TBC1D32: variants seen among roughly 807,000 people sequenced by gnomAD.
The protein encoded by TBC1D32 is TBC1 domain family member 32.
Under a neutral mutation model 170.3 loss-of-function variants are expected in TBC1D32, and 151 were observed. That is an observed-to-expected ratio of 0.89 (90% CI 0.78 to 1.01). The LOEUF is 1.01. Ranked by LOEUF, TBC1D32 falls within the 50% of genes least tolerant of loss-of-function variation. The pLI, the probability that TBC1D32 is intolerant of heterozygous loss-of-function variation, is 0.00. For synonymous variants in TBC1D32, 498 were observed against 488.0 expected (o/e 1.02, Z -0.27); for missense variants, 1,464 against 1,457.1 (o/e 1.00, Z -0.08).
At chr6:121,283,086 T>C (rs1803266459) in intron 13 of TBC1D32, among the ~76,000 whole-genome samples, 1 of 151,858 alleles carries the variant, frequency 6.6e-6, no homozygotes, top group African/African-American at 2.4e-5. Context: ...TACTGAATAA[T>C]AACCTACCAG....
At chr6:121,304,917 C>T (rs1462149282) in intron 5 of TBC1D32, 84 bp from the exon 6 acceptor site, 4 of 911,822 alleles carry the variant, frequency 4.4e-6, no homozygotes, top group Non-Finnish European at 5.1e-6. Context: ...AGTAAAAACT[C>T]AGAAAATAAA....
At chr6:121,184,327 G>A (rs969637820) in intron 22 of TBC1D32, among the ~76,000 whole-genome samples, 4 of 151,900 alleles carry the variant, frequency 2.6e-5, no homozygotes, top group Non-Finnish European at 5.9e-5. Flanking sequence ...AAGAATTCCA[G>A]AGGGTAAGTA....
At chr6:121,091,370 A>T (rs912846622) in intron 30 of TBC1D32, among the ~76,000 whole-genome samples, 2 of 152,128 alleles carry the variant, frequency 1.3e-5, no homozygotes, top group African/African-American at 2.4e-5. Context: ...AACAAATGCT[A>T]AGAGACTATT....
chr6:121,215,657 G>GT (rs1369586372), intron 21 of TBC1D32, among the ~76,000 whole-genome samples: 1 of 42,866 alleles, frequency 2.3e-5, no homozygotes, highest in African/African-American at 6.7e-5. Flanking sequence ...AAAGAAATTT[G>GT]CAAAAAAAAA....
chr6:121,287,478 T>A (rs1305952577), intron 12 of TBC1D32, among the ~76,000 whole-genome samples: 3 of 152,114 alleles, frequency 2.0e-5, no homozygotes, highest in Non-Finnish European at 4.4e-5. Flanking sequence ...ATGCACCCAA[T>A]ACAGGAGCAC....
intron 26 of TBC1D32, among the ~76,000 whole-genome samples, chr6:121,116,974 G>T (rs775934485): frequency 1.6e-4 from 24 of 152,026 alleles, no homozygotes; most frequent in Non-Finnish European, 2.9e-4. Context: ...TCTTCTGAGG[G>T]ACTTTTTAAA....
Position 121,154,345 on chromosome 6 carries a change from G to C in TBC1D32, c.2773+5665C>G, listed in dbSNP as rs1784601204. On this transcript the variant is annotated intron_variant, in intron 24 of 31. Transcript: ENST00000398212. ...CCCACTGTCTAACCAGTCCCAGTGA[G>C]ATGAACCAGGTACCTCAGTTGGAAG... 2.0e-5 allele frequency among the ~76,000 whole-genome samples: 3 copies of C among 152,188 alleles called. No homozygotes were observed. In the South Asian group the frequency reaches 6.2e-4, roughly 31 times the overall value.
chr6:121,092,293 G>GTTTTTTTTTTTTTTT lies in TBC1D32; in HGVS notation c.3466-1267_3466-1253dup, dbSNP rs1160372863. ...AATATCTCTTCTCCTTCAGTTTTATGTTTTTTTTTTTTTTTTTTTTTTTTT... is the reference window on the plus strand; with the variant it reads ...AATATCTCTTCTCCTTCAGTTTTATGTTTTTTTTTTTTTTTTTTTTTTTTTTTTTTTTTTTTTTTT... On this transcript the variant is annotated intron_variant, in intron 30 of 31. Coordinates refer to ENST00000398212, the MANE Select transcript of TBC1D32 (RefSeq NM_152730.6). Among the ~76,000 whole-genome samples the GTTTTTTTTTTTTTTT allele has an allele frequency of 7.9e-5, 4 of 50,388 alleles. 1 individual carries two copies. The highest frequency in any genetic ancestry group is 3.0e-4 in the Admixed American group (1 of 3,348). The allele number at this position is 50,388 out of a possible 152,430, so 33.1% of individuals were successfully genotyped here. A position where few individuals can be genotyped will look rare whatever the true frequency, so the allele number is the denominator to read the frequency against.
intron 22 of TBC1D32, among the ~76,000 whole-genome samples, chr6:121,169,339 A>G (rs1027346845): frequency 2.0e-5 from 3 of 152,168 alleles, no homozygotes; most frequent in African/African-American, 7.2e-5. Flanking sequence ...TACTTAATAA[A>G]TAGTGCTGGG....
intron 17 of TBC1D32, among the ~76,000 whole-genome samples, chr6:121,254,529 C>G (rs1167758387): frequency 6.6e-6 from 1 of 152,020 alleles, no homozygotes; most frequent in Non-Finnish European, 1.5e-5. Flanking sequence ...CATTGTGTGA[C>G]AACTATATTA....
intron 22 of TBC1D32, among the ~76,000 whole-genome samples, chr6:121,190,181 C>G (rs555732993): frequency 4.0e-5 from 6 of 150,552 alleles, no homozygotes; most frequent in African/African-American, 1.5e-4. Flanking sequence ...CCCAACTTCC[C>G]GGCAAGCCTC....
intron 22 of TBC1D32, among the ~76,000 whole-genome samples, chr6:121,161,716 G>A (rs1417223790): frequency 6.6e-6 from 1 of 152,164 alleles, no homozygotes; most frequent in Non-Finnish European, 1.5e-5. Context: ...TGGGATTGCT[G>A]GGTCAAATGC....
At position 121,112,668 on chromosome 6, in the gene TBC1D32, C is replaced by T. The variant is rs2128197702; in HGVS notation, c.3170-9G>A. The stretch of plus-strand genomic sequence containing the variant: ...ATTCCCTTGCAGGCAGACTGAAAAA[C>T]ACAGTTAAGAAAACTTTACAATATT... On this transcript the variant is annotated splice_polypyrimidine_tract_variant and intron_variant, in intron 28 of 31. Transcript: ENST00000398212. 6.4e-7 allele frequency: 1 copy of T among 1,550,792 alleles called. No individual in the cohort carries two copies. The highest frequency in any genetic ancestry group is 8.7e-7 in the Non-Finnish European group (1 of 1,153,628).
chr6:121,194,179 C>T (rs1790426516), intron 22 of TBC1D32, among the ~76,000 whole-genome samples: 1 of 152,112 alleles, frequency 6.6e-6, no homozygotes, highest in South Asian at 2.1e-4. Flanking sequence ...CGTTGACTTA[C>T]AGTGTGTCCA....
chr6:121,216,711 G>A (rs1793870613), intron 21 of TBC1D32, among the ~76,000 whole-genome samples: 1 of 152,184 alleles, frequency 6.6e-6, no homozygotes, highest in African/African-American at 2.4e-5. Flanking sequence ...CTGGTTGGTT[G>A]CTTCTAAGTT....
At chr6:121,199,042 G>A (rs116524596) in intron 22 of TBC1D32, among the ~76,000 whole-genome samples, 1 of 151,238 alleles carries the variant, frequency 6.6e-6, no homozygotes, top group African/African-American at 2.5e-5. Flanking sequence ...TCATTAAGTA[G>A]GCAGAATATA....
chr6:121,161,108 A>C, intron 22 of TBC1D32, 52 bp from the exon 23 acceptor site: 1 of 1,351,852 alleles, frequency 7.4e-7, no homozygotes. Context: ...AATATGTGTT[A>C]ATTTTTAAAT....
chr6:121,099,607 T>A (rs1319216749), intron 30 of TBC1D32, among the ~76,000 whole-genome samples: 1 of 151,956 alleles, frequency 6.6e-6, no homozygotes, highest in African/African-American at 2.4e-5. Flanking sequence ...GAATAAGGTA[T>A]GAAATTTGTA....
At chr6:121,216,832 A>T (rs1297174414) in intron 21 of TBC1D32, among the ~76,000 whole-genome samples, 1 of 152,172 alleles carries the variant, frequency 6.6e-6, no homozygotes, top group Admixed American at 6.5e-5. Flanking sequence ...TGAGAGTTTT[A>T]TCTCCTGCAG....
Sources: allele counts gnomAD v4.1 joint callset (sites outside exome capture counted in the v4.1 genomes callset), GRCh38; gene constraint gnomAD v4.1.1; transcripts MANE v1.5; gene names NCBI Gene and HGNC (gene_info 2026-07-23, HGNC 2026-07-21).